Variants in TASOR observed in about 807,000 individuals in gnomAD.
The protein encoded by TASOR is protein TASOR.
A neutral mutation model predicts 178.6 loss-of-function variants in TASOR; 53 were observed. The ratio of observed to expected loss-of-function variants is 0.30; its 90% CI spans 0.24 to 0.37. The LOEUF is 0.37. Ranked by LOEUF, TASOR falls within the 10% of genes least tolerant of loss-of-function variation. The probability of loss-of-function intolerance (pLI) is 1.00; values close to 1 mark genes in which losing one functional copy is unlikely to be tolerated. For synonymous variants in TASOR, 713 were observed against 696.2 expected, an observed-to-expected ratio of 1.02 and a Z score of -0.38; for missense variants, 1,815 against 1,971.4, an observed-to-expected ratio of 0.92 and a Z score of 1.50.
At chr3:56,678,363 AAT>A (rs1367292622) in intron 1 of TASOR, among the ~76,000 whole-genome samples, 1 of 151,362 alleles carries the variant, frequency 6.6e-6, no homozygotes, top group Non-Finnish European at 1.5e-5. Context: ...TTGTATTTTT[AAT>A]AGAGTCAGGG....
intron 18 of TASOR, among the ~76,000 whole-genome samples, chr3:56,631,543 GAC>G (rs1333129960): frequency 1.3e-5 from 2 of 150,860 alleles, no homozygotes; most frequent in Non-Finnish European, 2.9e-5. Flanking sequence ...TAAACATACA[GAC>G]ACACAGAAAG....
chr3:56,627,181 A>G (rs1355955126), intron 20 of TASOR, 36 bp from the exon 21 acceptor site: 22 of 1,199,390 alleles, frequency 1.8e-5, no homozygotes, highest in Non-Finnish European at 2.6e-5. Flanking sequence ...TTAATTCAAT[A>G]AATAATCATT....
intron 1 of TASOR, among the ~76,000 whole-genome samples, chr3:56,674,273 G>C (rs1447541246): frequency 1.4e-5 from 2 of 147,830 alleles, no homozygotes; most frequent in African/African-American, 5.0e-5. Flanking sequence ...GGCCAAGGCA[G>C]CAAGACTGCT....
intron 1 of TASOR, 57 bp downstream of exon 1, chr3:56,682,619 C>G (rs2031906820): frequency 7.2e-7 from 1 of 1,389,956 alleles, no homozygotes; most frequent in Non-Finnish European, 9.5e-7. Flanking sequence ...TAGAAAGATT[C>G]TAATGAAAAG....
intron 14 of TASOR, among the ~76,000 whole-genome samples, chr3:56,644,005 T>C (rs17057000): frequency 0.027 from 4,066 of 152,200 alleles, 97 homozygotes; most frequent in African/African-American, 0.062. Context: ...CCCACAACTA[T>C]TTTTTCACAT....
chr3:56,670,553 C>T (rs148063577), intron 3 of TASOR, among the ~76,000 whole-genome samples: 223 of 152,262 alleles, frequency 1.5e-3, no homozygotes, highest in Non-Finnish European at 2.5e-3. Context: ...ATACTCTTAA[C>T]TCCTGCCACT....
intron 8 of TASOR, among the ~76,000 whole-genome samples, chr3:56,663,129 G>T (rs80317649): frequency 0.012 from 1,791 of 152,142 alleles, 21 homozygotes; most frequent in Middle Eastern, 0.061. Flanking sequence ...GTTGCAGTGA[G>T]CCGAGATCAC....
At chr3:56,662,195 A>C (rs1014663378) in intron 9 of TASOR, among the ~76,000 whole-genome samples, 190 bp downstream of exon 9, 2 of 152,162 alleles carry the variant, frequency 1.3e-5, no homozygotes, top group Non-Finnish European at 1.5e-5. Context: ...CCTCAAATCA[A>C]GACAGAGACG....
At chr3:56,658,571 A>G (rs544709227) in intron 11 of TASOR, among the ~76,000 whole-genome samples, 9 of 152,230 alleles carry the variant, frequency 5.9e-5, no homozygotes, top group Non-Finnish European at 1.3e-4. Flanking sequence ...CTTTCAGAAG[A>G]AAACAAGCCA....
intron 5 of TASOR, 120 bp from the exon 6 acceptor site, chr3:56,668,678 A>C: frequency 1.3e-6 from 1 of 785,416 alleles, no homozygotes; most frequent in Non-Finnish European, 1.9e-6. Flanking sequence ...TTTCCCTTTA[A>C]TATCTCACAG....
chr3:56,658,632 A>G (rs746802273), intron 11 of TASOR, among the ~76,000 whole-genome samples: 10 of 152,178 alleles, frequency 6.6e-5, no homozygotes, highest in Admixed American at 1.3e-4. Flanking sequence ...AGTAAGAAGG[A>G]AGGGCCAGGC....
chr3:56,633,723 C>G lies in TASOR; in HGVS notation c.3068G>C (p.Gly1023Ala). ...CTTCCTAGAAAAGAGATTGTACTCTCCTAACACTGTCCTCTCTGTGGTTTC... is the reference window on the plus strand; with the variant it reads ...CTTCCTAGAAAAGAGATTGTACTCTGCTAACACTGTCCTCTCTGTGGTTTC... ...VSETTERTVL[G>A]EYNLFSRKIE... The change falls in exon 18 of 24, where the codon GGA becomes GCA. Residue 1023 changes from glycine to alanine, a missense_variant. By Grantham distance (60) the Gly-to-Ala change is moderately conservative. Around this residue, in one of 5 missense-constraint regions of TASOR, gnomAD observed 655 missense variants for 671.1 expected, o/e 0.98. Transcript: ENST00000683822. 1 of 1,614,156 alleles carries G rather than the reference C, an allele frequency of 6.2e-7. No individual in the cohort carries two copies. The highest frequency in any genetic ancestry group is 8.5e-7 in the Non-Finnish European group (1 of 1,180,044).
Position 56,633,538 on chromosome 3 carries a change from G to A in TASOR, c.3253C>T (p.Leu1085=). The change falls in exon 18 of 24, where the codon CTA becomes TTA. Residue 1085 remains leucine, a synonymous_variant. Coordinates refer to ENST00000683822, the MANE Select transcript of TASOR (RefSeq NM_001365635.2). ...GATGCTTTAATAATAATAGTATTTA[G>A]CTTCTCATGCAAACCATCTACAAAC... ...QEFVDGLHEK[L]NTIIIKASAK... The A allele has an allele frequency of 6.2e-7, 1 of 1,614,092 alleles. No homozygotes were observed. Among genetic ancestry groups the A allele is most frequent in the Non-Finnish European group, 8.5e-7 (1 of 1,180,032 alleles).
At chr3:56,650,358 G>A (rs1368335993) in intron 11 of TASOR, among the ~76,000 whole-genome samples, 3 of 152,186 alleles carry the variant, frequency 2.0e-5, no homozygotes, top group Admixed American at 6.5e-5. Context: ...GTTTCAGGTA[G>A]CTTAGTTGAC....
At position 56,646,872 on chromosome 3, in the gene TASOR, A is replaced by C. The variant is rs779850134; in HGVS notation, c.1865T>G (p.Leu622Arg). The C allele has an allele frequency of 6.2e-7, 1 of 1,605,628 alleles. No individual in the cohort carries two copies. Among genetic ancestry groups the C allele is most frequent in the African/African-American group, 1.3e-5 (1 of 74,214 alleles). ...CTGAAGTTTTCTATTTTCTTCAAAT[A>C]GTTCTTTTAATTTACAAATAGGTAA... is the stretch of plus-strand genomic sequence containing the variant. ...YQLPICKLKE[L>R]FEENRKLQQF... The change falls in exon 14 of 24, where the codon CTA becomes CGA. Residue 622 changes from leucine (L) to arginine (R), a missense_variant. Around this residue, in one of 5 missense-constraint regions of TASOR, gnomAD observed 504 missense variants for 645.3 expected, o/e 0.78. Transcript: ENST00000683822.
chr3:56,647,045 T>A lies in TASOR; in HGVS notation c.1692A>T (p.Arg564=), dbSNP rs2077250977. ...ACTCTCGTTTACCTGAACCAAAACC[T>A]CGCTTAAAAAATTCACTTACATACT... is the stretch of plus-strand genomic sequence containing the variant. ...VEKYVSEFFK[R]GFGSGKREFI... is the part of the protein sequence containing the mutation. Residue 564 remains arginine, a synonymous_variant, in exon 14 of 24, where the codon CGA becomes CGT. Transcript: ENST00000683822. The A allele has an allele frequency of 6.2e-7, 1 of 1,602,280 alleles. No homozygotes were observed. Among genetic ancestry groups the A allele is most frequent in the Admixed American group, 1.8e-5 (1 of 56,388 alleles).
In TASOR at chr3:56,624,919, A is replaced by C; in HGVS notation, c.4227T>G (p.Cys1409Trp). The C allele has an allele frequency of 6.2e-7, 1 of 1,614,192 alleles. No individual in the cohort carries two copies. The highest frequency in any genetic ancestry group is 8.5e-7 in the Non-Finnish European group (1 of 1,180,006). The change falls in exon 22 of 24, where the codon TGT (cysteine) becomes TGG (tryptophan). Residue 1409 changes from cysteine (C) to tryptophan (W), a missense_variant. Physicochemically the swap from Cys to Trp is radical, Grantham distance 215 (BLOSUM62 -2). This residue lies in a region of TASOR where 134 missense variants were observed against 195.2 expected (regional missense o/e 0.69). Coordinates refer to ENST00000683822, the MANE Select transcript of TASOR (RefSeq NM_001365635.2). ...CTGGAGCATTTCGAGTTTGTGAATCACAATTGTGGTATGACAAAATTTCAA... is the reference window on the plus strand; with the variant it reads ...CTGGAGCATTTCGAGTTTGTGAATCCCAATTGTGGTATGACAAAATTTCAA... ...HLVEILSYHNCDSQTRNAPEL... is the reference protein window; with the variant it reads ...HLVEILSYHNWDSQTRNAPEL...
Position 56,661,283 on chromosome 3 carries a change from A to C in TASOR, c.1161-266T>G, listed in dbSNP as rs570647943. Among the ~76,000 whole-genome samples, 302 of 152,312 alleles carry C rather than the reference A, an allele frequency of 2.0e-3. 12 individuals are homozygous for C. The South Asian group carries it at 0.058, about 29-fold the overall frequency. ...CACCTCAACCTCCAGGGCAGCTGGG[A>C]CTACAGGCATGTGCCACCACGCTAG... On this transcript the variant is annotated intron_variant, in intron 9 of 23. Transcript: ENST00000683822.
chr3:56,628,818 C>A, intron 18 of TASOR: 1 of 375,870 alleles, frequency 2.7e-6, no homozygotes, highest in Non-Finnish European at 4.7e-6. Context: ...TGGAGTATAG[C>A]AGCATGATCA....
Sources: gnomAD v4.1 joint callset for allele counts (sites outside exome capture counted in the v4.1 genomes callset) on GRCh38, gnomAD v4.1.1 for gene constraint, gnomAD v4.1.1 regional missense constraint, MANE v1.5 for transcripts, NCBI Gene and HGNC (gene_info 2026-07-23, HGNC 2026-07-21) for gene names.